The following MYO1D variants were observed in gnomAD, a reference collection of about 807,000 sequenced individuals.
MYO1D encodes the protein myosin ID.
In MYO1D, 83 loss-of-function variants were observed where a neutral mutation model predicts 122.0. The ratio of observed to expected loss-of-function variants is 0.68; its 90% CI spans 0.57 to 0.82. MYO1D has a LOEUF of 0.82. Among genes scored for constraint, MYO1D ranks in the 40% least tolerant of loss-of-function variants. The pLI is 0.00. For synonymous variants in MYO1D, 464 were observed against 446.9 expected (o/e 1.04, Z -0.48); for missense variants, 1,157 against 1,269.5 (o/e 0.91, Z 1.35).
At chr17:32,798,304 C>G (rs556827935) in intron 1 of MYO1D, among the ~76,000 whole-genome samples, 1 of 152,226 alleles carries the variant, frequency 6.6e-6, no homozygotes, top group East Asian at 1.9e-4. Context: ...CGTCAGAAGT[C>G]TGTAACATCC....
At chr17:32,676,149 G>C (rs2088805766) in intron 16 of MYO1D, among the ~76,000 whole-genome samples, 1 of 152,128 alleles carries the variant, frequency 6.6e-6, no homozygotes, top group Non-Finnish European at 1.5e-5. Context: ...TCTCAAAACA[G>C]AATTGCTGTT....
Position 32,712,049 on chromosome 17 carries a change from A to G in MYO1D, c.2060T>C (p.Leu687Ser). ...GGCACGGAGTTCTTCCAAGGTAAAC[A>G]ATGTTCGGGGTGTTCGAATGAAAAT... is the stretch of plus-strand genomic sequence containing the variant. ...TKIFIRTPRT[L>S]FTLEELRAQM... is the part of the protein sequence containing the mutation. Residue 687 changes from leucine (L) to serine (S), a missense_variant, in exon 16 of 22, where the codon TTG becomes TCG. Physicochemically the swap from Leu to Ser is moderately radical, Grantham distance 145. Coordinates refer to ENST00000318217, the MANE Select transcript of MYO1D (RefSeq NM_015194.3). 1 of 1,614,150 alleles carries G rather than the reference A, an allele frequency of 6.2e-7. No individual in the cohort carries two copies. Among genetic ancestry groups the G allele is most frequent in the South Asian group, 1.1e-5 (1 of 91,088 alleles).
intron 21 of MYO1D, among the ~76,000 whole-genome samples, chr17:32,497,230 C>T (rs1909151359): frequency 6.6e-6 from 1 of 152,096 alleles, no homozygotes; most frequent in Non-Finnish European, 1.5e-5. Context: ...GCCAGGAGTT[C>T]AAGACCAGCC....
intron 21 of MYO1D, among the ~76,000 whole-genome samples, chr17:32,571,918 T>C (rs2087233115): frequency 6.6e-6 from 1 of 152,216 alleles, no homozygotes. Flanking sequence ...TAGCTCTTTT[T>C]ATGGTGAACT....
At chr17:32,658,415 T>G (rs2088507683) in intron 17 of MYO1D, 2 of 152,176 alleles carry the variant, frequency 1.3e-5, no homozygotes, top group Non-Finnish European at 2.9e-5. Flanking sequence ...ACTAAATATA[T>G]CTGGTGTATA....
intron 11 of MYO1D, among the ~76,000 whole-genome samples, chr17:32,754,814 A>G (rs1406777196): frequency 2.0e-5 from 3 of 152,232 alleles, no homozygotes; most frequent in Non-Finnish European, 4.4e-5. Context: ...AACAAATATT[A>G]ATAGCAAACA....
chr17:32,876,096 T>A (rs1291161151), intron 1 of MYO1D, among the ~76,000 whole-genome samples: 1 of 151,730 alleles, frequency 6.6e-6, no homozygotes, highest in Admixed American at 6.6e-5. Context: ...ACCATGAACG[T>A]CTTGTCAAAT....
chr17:32,748,957 C>T lies in MYO1D; in HGVS notation c.1517G>A (p.Arg506Gln), dbSNP rs1180043996. Residue 506 changes from arginine to glutamine, a missense_variant, in exon 12 of 22, where the codon CGA becomes CAA. Coordinates refer to ENST00000318217, the MANE Select transcript of MYO1D (RefSeq NM_015194.3). ...TCACACTACATCGCCTGCATAATGT[C>T]GAATTCGAAAATCTCGATCAAACTC... is the stretch of plus-strand genomic sequence containing the variant. ...ILEFDRDFRIRHYAGDVVYSV... is the reference protein window; with the variant it reads ...ILEFDRDFRIQHYAGDVVYSV... 17 of 1,613,660 alleles carry T rather than the reference C, an allele frequency of 1.1e-5. No homozygotes were observed. Among genetic ancestry groups the T allele is most frequent in the Admixed American group, 6.7e-5 (4 of 60,020 alleles).
chr17:32,873,196 T>C (rs1054391980), intron 1 of MYO1D, among the ~76,000 whole-genome samples: 3 of 152,162 alleles, frequency 2.0e-5, no homozygotes, highest in African/African-American at 7.2e-5. Context: ...CAAAAAAATG[T>C]TGTCATGAAG....
chr17:32,684,755 T>C (rs9903402), intron 16 of MYO1D, among the ~76,000 whole-genome samples: 2,542 of 152,284 alleles, frequency 0.017, 74 homozygotes, highest in African/African-American at 0.058. Flanking sequence ...TGACGGTTGA[T>C]GGTTCTACAG....
chr17:32,877,043 C>T lies in MYO1D; in HGVS notation c.-171G>A. On this transcript the variant is annotated 5_prime_UTR_variant, in exon 1 of 22. Transcript: ENST00000318217. Reference sequence around the variant, plus strand: ...GGACAGAGGCCGCCTCGCTGCTCCTCGGCGCCTTCTCGGCCGGCGCGGCTC... The same window carrying T: ...GGACAGAGGCCGCCTCGCTGCTCCTTGGCGCCTTCTCGGCCGGCGCGGCTC... The T allele has an allele frequency of 3.9e-6, 1 of 253,276 alleles. No individual in the cohort carries two copies. The highest frequency in any genetic ancestry group is 7.3e-6 in the Non-Finnish European group (1 of 136,218). 15.7% of individuals were successfully genotyped at this position (253,276 alleles called of 1,614,324 possible).
At chr17:32,794,881 T>C (rs566182749) in intron 1 of MYO1D, among the ~76,000 whole-genome samples, 1 of 152,236 alleles carries the variant, frequency 6.6e-6, no homozygotes, top group African/African-American at 2.4e-5. Context: ...AGGAATTGAG[T>C]GCCTGCTAAT....
intron 21 of MYO1D, among the ~76,000 whole-genome samples, chr17:32,603,182 C>T (rs905999437): frequency 2.0e-4 from 31 of 152,084 alleles, no homozygotes; most frequent in African/African-American, 6.7e-4. Flanking sequence ...AGAGGACATA[C>T]GCCTAGAAAT....
chr17:32,687,401 GT>G (rs1285470525), intron 16 of MYO1D, among the ~76,000 whole-genome samples: 1 of 152,136 alleles, frequency 6.6e-6, no homozygotes, highest in Non-Finnish European at 1.5e-5. Context: ...GTTTCACCAT[GT>G]TAGCCAGGAT....
rs561265517 is a variant in MYO1D, at chr17:32,797,477, C to T, written c.96-16693G>A. Among the ~76,000 whole-genome samples the T allele has an allele frequency of 2.0e-5, 3 of 152,324 alleles. No individual in the cohort carries two copies. In the South Asian group the frequency reaches 6.2e-4, roughly 32 times the overall value. The stretch of plus-strand genomic sequence containing the variant: ...GTGGTTTCAGTTATCTTCGGTCAAC[C>T]ATGGCCCAAAAACATGAAGATATTT... On this transcript the variant is annotated intron_variant, in intron 1 of 21. Coordinates refer to ENST00000318217, the MANE Select transcript of MYO1D (RefSeq NM_015194.3).
chr17:32,662,441 G>T (rs1380699218), intron 16 of MYO1D, among the ~76,000 whole-genome samples: 1 of 152,226 alleles, frequency 6.6e-6, no homozygotes, highest in South Asian at 2.1e-4. Context: ...GGGAGGCCAA[G>T]GTGGGCGGAT....
At chr17:32,670,997 G>GA (rs566936457) in intron 16 of MYO1D, among the ~76,000 whole-genome samples, 169 of 152,332 alleles carry the variant, frequency 1.1e-3, no homozygotes, top group African/African-American at 4.0e-3. Context: ...CCACCCCATA[G>GA]AAGAGAAGCA....
At chr17:32,755,795 G>C in intron 10 of MYO1D, 133 bp from the exon 11 acceptor site, 1 of 664,090 alleles carries the variant, frequency 1.5e-6, no homozygotes, top group Non-Finnish European at 2.5e-6. Context: ...CATTAAAGAG[G>C]TCTTACGCTA....
intron 16 of MYO1D, among the ~76,000 whole-genome samples, chr17:32,709,597 T>C (rs2089350494): frequency 1.3e-5 from 2 of 151,490 alleles, no homozygotes; most frequent in Middle Eastern, 3.4e-3. Context: ...AGAAGGAAAA[T>C]GTTTTGGGAT....
Sources: gnomAD v4.1 joint callset for allele counts (sites outside exome capture counted in the v4.1 genomes callset) on GRCh38, gnomAD v4.1.1 for gene constraint, MANE v1.5 for transcripts, NCBI Gene and HGNC (gene_info 2026-07-23, HGNC 2026-07-21) for gene names.